The following SLC35F3 variants were observed in gnomAD, a reference collection of about 807,000 sequenced individuals.
SLC35F3 encodes putative thiamine transporter SLC35F3.
In SLC35F3, 25 loss-of-function variants were observed where a neutral mutation model predicts 49.9. That is an observed-to-expected ratio of 0.50 (90% CI 0.37 to 0.70). SLC35F3 has a LOEUF of 0.70. Ranked by LOEUF, SLC35F3 falls within the 30% of genes least tolerant of loss-of-function variation. The pLI, the probability that SLC35F3 is intolerant of heterozygous loss-of-function variation, is 0.00. For synonymous variants in SLC35F3, 275 were observed against 265.4 expected (o/e 1.04, Z -0.35); for missense variants, 525 against 639.8 (o/e 0.82, Z 1.94).
At position 234,072,684 on chromosome 1, in the gene SLC35F3, A is replaced by G. The variant is rs965754260; in HGVS notation, c.284-158733A>G. 4.6e-5 allele frequency among the ~76,000 whole-genome samples: 7 copies of G among 152,136 alleles called. No homozygotes were observed. In the South Asian group the frequency reaches 6.2e-4, roughly 14 times the overall value. On this transcript the variant is annotated intron_variant, in intron 2 of 7. Coordinates refer to ENST00000366618, the MANE Select transcript of SLC35F3 (RefSeq NM_173508.4). ...GTGTTCCAGGCAGAAAAGAAAGCCAATGCAACCCCTTGCAATGAGGCTATG... is the reference window on the plus strand; with the variant it reads ...GTGTTCCAGGCAGAAAAGAAAGCCAGTGCAACCCCTTGCAATGAGGCTATG...
intron 3 of SLC35F3, among the ~76,000 whole-genome samples, chr1:234,282,775 C>A (rs1363778161): frequency 6.6e-6 from 1 of 152,226 alleles, no homozygotes; most frequent in South Asian, 2.1e-4. Flanking sequence ...CTGGCATTGG[C>A]ATGGGTTGTT....
intron 2 of SLC35F3, among the ~76,000 whole-genome samples, chr1:234,219,207 A>T (rs530387380): frequency 1.3e-5 from 2 of 152,172 alleles, no homozygotes; most frequent in African/African-American, 4.8e-5. Context: ...AGCTGCCCCC[A>T]GAGTAGGTCT....
At chr1:234,286,618 A>G (rs1354091095) in intron 3 of SLC35F3, among the ~76,000 whole-genome samples, 1 of 152,230 alleles carries the variant, frequency 6.6e-6, no homozygotes, top group Non-Finnish European at 1.5e-5. Flanking sequence ...TTTAAGAGAG[A>G]CACAGGTGAG....
At chr1:234,209,335 A>G (rs1667018098) in intron 2 of SLC35F3, among the ~76,000 whole-genome samples, 1 of 152,010 alleles carries the variant, frequency 6.6e-6, no homozygotes, top group Non-Finnish European at 1.5e-5. Context: ...AGAATAGGTT[A>G]TTATGGCCTA....
intron 2 of SLC35F3, among the ~76,000 whole-genome samples, chr1:234,095,549 C>T (rs904419176): frequency 5.9e-5 from 9 of 152,168 alleles, no homozygotes; most frequent in East Asian, 5.8e-4. Flanking sequence ...GTTCAATGCT[C>T]GTAATTTGGA....
chr1:234,313,299 C>T (rs777441456), intron 4 of SLC35F3, among the ~76,000 whole-genome samples: 3 of 152,202 alleles, frequency 2.0e-5, no homozygotes, highest in African/African-American at 4.8e-5. Context: ...GTTGCCTTCC[C>T]ATTCAGCCCC....
chr1:234,226,960 T>TGCAC (rs1292302047), intron 2 of SLC35F3, among the ~76,000 whole-genome samples: 1 of 120,788 alleles, frequency 8.3e-6, no homozygotes, highest in Non-Finnish European at 1.6e-5. Context: ...CGCGCACGCG[T>TGCAC]GCACACACAC....
intron 2 of SLC35F3, among the ~76,000 whole-genome samples, chr1:234,124,878 T>C (rs1162906344): frequency 2.0e-5 from 3 of 152,148 alleles, no homozygotes; most frequent in Non-Finnish European, 4.4e-5. Context: ...AATTCCAAGA[T>C]TCACAATTCT....
At chr1:234,150,471 A>T (rs1572070785) in intron 2 of SLC35F3, among the ~76,000 whole-genome samples, 1 of 152,166 alleles carries the variant, frequency 6.6e-6, no homozygotes, top group African/African-American at 2.4e-5. Context: ...TTCTGTGCTA[A>T]GTATATTTAA....
At chr1:234,166,002 C>T (rs762193835) in intron 2 of SLC35F3, among the ~76,000 whole-genome samples, 10 of 152,160 alleles carry the variant, frequency 6.6e-5, no homozygotes, top group Admixed American at 1.3e-4. Context: ...CCTCCAGTTC[C>T]GTCCAAGTTG....
intron 2 of SLC35F3, among the ~76,000 whole-genome samples, chr1:234,147,373 G>A (rs775129739): frequency 6.6e-6 from 1 of 151,088 alleles, no homozygotes; most frequent in Admixed American, 6.6e-5. Flanking sequence ...TGTTTCACCT[G>A]TTATTGTATC....
intron 2 of SLC35F3, chr1:234,212,800 T>A (rs1282660062): frequency 6.6e-6 from 1 of 152,244 alleles, no homozygotes; most frequent in Non-Finnish European, 1.5e-5. Flanking sequence ...CTCTTTAATA[T>A]ACAACATGTA....
At position 234,176,997 on chromosome 1, in the gene SLC35F3, C is replaced by T. The variant is rs578190931; in HGVS notation, c.284-54420C>T. 3.5e-4 allele frequency among the ~76,000 whole-genome samples: 53 copies of T among 152,284 alleles called. No homozygotes were observed. The South Asian group carries it at 7.7e-3, about 22-fold the overall frequency. ...GGTTGATATGGTTTGGCTGTGTCGC[C>T]ACCCAAGTCTCATCTTGAATTGTAA... On this transcript the variant is annotated intron_variant, in intron 2 of 7. Transcript: ENST00000366618.
At chr1:234,226,208 AC>A (rs1443428399) in intron 2 of SLC35F3, among the ~76,000 whole-genome samples, 9 of 152,132 alleles carry the variant, frequency 5.9e-5, no homozygotes, top group Non-Finnish European at 1.0e-4. Context: ...AACTCTATAG[AC>A]CTTACTGAAA....
intron 2 of SLC35F3, among the ~76,000 whole-genome samples, chr1:233,909,801 T>TG (rs2102781388): frequency 6.6e-6 from 1 of 152,328 alleles, no homozygotes; most frequent in South Asian, 2.1e-4. Flanking sequence ...CAGTATCCCA[T>TG]GGGGGGCAGC....
intron 2 of SLC35F3, among the ~76,000 whole-genome samples, chr1:234,226,352 G>A (rs1269760276): frequency 1.3e-5 from 2 of 151,792 alleles, no homozygotes; most frequent in African/African-American, 4.8e-5. Flanking sequence ...CTAAAGAAAG[G>A]ACTTGAGCAC....
At chr1:234,209,708 A>G (rs920931929) in intron 2 of SLC35F3, among the ~76,000 whole-genome samples, 1 of 152,074 alleles carries the variant, frequency 6.6e-6, no homozygotes, top group Non-Finnish European at 1.5e-5. Context: ...TAGAAACAGC[A>G]TGGAGTGCTT....
intron 2 of SLC35F3, among the ~76,000 whole-genome samples, chr1:233,936,648 T>C (rs1005960766): frequency 6.6e-6 from 1 of 151,904 alleles, no homozygotes; most frequent in Non-Finnish European, 1.5e-5. Context: ...CTTCCTCTTC[T>C]CCTCCTCCTT....
chr1:234,229,261 A>AT (rs35284802), intron 2 of SLC35F3, among the ~76,000 whole-genome samples: 20,259 of 152,228 alleles, frequency 0.13, 3,177 homozygotes, highest in East Asian at 0.8. Flanking sequence ...ACTGCATTAC[A>AT]TTTTGGAAAA....
Sources: gnomAD v4.1 joint callset for allele counts (sites outside exome capture counted in the v4.1 genomes callset) on GRCh38, gnomAD v4.1.1 for gene constraint, MANE v1.5 for transcripts, NCBI Gene and HGNC (gene_info 2026-07-23, HGNC 2026-07-21) for gene names.